Variants in LONP2 observed in about 807,000 individuals in gnomAD.
LONP2 encodes lon peptidase 2, peroxisomal.
In LONP2, 60 loss-of-function variants were observed where a neutral mutation model predicts 85.6. The observed-to-expected ratio is 0.70, with a 90% CI of 0.57 to 0.87. The LOEUF (loss-of-function observed/expected upper bound fraction) is 0.87. Ranked by LOEUF, LONP2 falls within the 40% of genes least tolerant of loss-of-function variation. The pLI is 0.00. For missense variants in LONP2, 860 were observed against 1,063.5 expected (o/e 0.81, Z 2.66); for synonymous variants, 395 against 389.7 (o/e 1.01, Z -0.16).
At chr16:48,313,336 T>TAAAA (rs1258790893) in intron 11 of LONP2, among the ~76,000 whole-genome samples, 2 of 152,220 alleles carry the variant, frequency 1.3e-5, no homozygotes, top group Admixed American at 1.3e-4. Context: ...CTTCAGCTTT[T>TAAAA]AAGTTCCAGG....
Position 48,266,723 on chromosome 16 carries a change from A to G in LONP2, c.983-3293A>G, listed in dbSNP as rs551561837. Among the ~76,000 whole-genome samples, 4 of 152,134 alleles carry G rather than the reference A, an allele frequency of 2.6e-5. No individual in the cohort carries two copies. In the South Asian group the frequency reaches 8.3e-4, roughly 31 times the overall value. On this transcript the variant is annotated intron_variant, in intron 6 of 14. Coordinates refer to ENST00000285737, the MANE Select transcript of LONP2 (RefSeq NM_031490.5). ...TATTGCTGGAGTTGTATTCTGTTGT[A>G]TGGATATACCATCATTTGTTTATCA...
At position 48,352,006 on chromosome 16, in the gene LONP2, T is replaced by G; in HGVS notation, c.*204T>G. On this transcript the variant is annotated 3_prime_UTR_variant, in exon 15 of 15. Transcript: ENST00000285737. Reference sequence around the variant, plus strand: ...TAGTAAACTGATAAAAATCGAATTCTTGTCTTTTTAGTGGGATCCTTACTG... The same window carrying G: ...TAGTAAACTGATAAAAATCGAATTCGTGTCTTTTTAGTGGGATCCTTACTG... The G allele has an allele frequency of 1.7e-6, 1 of 583,096 alleles. No individual in the cohort carries two copies. The highest frequency in any genetic ancestry group is 3.0e-6 in the Non-Finnish European group (1 of 330,262). The allele number at this position is 583,096 out of a possible 1,614,324, so 36.1% of individuals were successfully genotyped here. A position where few individuals can be genotyped will look rare whatever the true frequency, so the allele number is the denominator to read the frequency against.
intron 8 of LONP2, among the ~76,000 whole-genome samples, chr16:48,290,387 T>C (rs1331341147): frequency 6.6e-6 from 1 of 152,206 alleles, no homozygotes; most frequent in African/African-American, 2.4e-5. Context: ...CGACCACAGC[T>C]GGGTGTCCTC....
At chr16:48,285,688 T>A (rs912559515) in intron 8 of LONP2, among the ~76,000 whole-genome samples, 1 of 152,176 alleles carries the variant, frequency 6.6e-6, no homozygotes, top group Non-Finnish European at 1.5e-5. Flanking sequence ...TATTTTAAAA[T>A]TTTTATTATT....
intron 11 of LONP2, among the ~76,000 whole-genome samples, chr16:48,326,945 G>A (rs1959252801): frequency 6.6e-6 from 1 of 152,206 alleles, no homozygotes; most frequent in South Asian, 2.1e-4. Context: ...GCTTGCTTAG[G>A]AAAAGCCTGG....
chr16:48,265,087 C>G (rs942311551), intron 6 of LONP2, among the ~76,000 whole-genome samples: 1 of 152,144 alleles, frequency 6.6e-6, no homozygotes, highest in African/African-American at 2.4e-5. Flanking sequence ...CGTTAAGTTT[C>G]ATGAGTTCCT....
chr16:48,317,234 G>A (rs112277373), intron 11 of LONP2, among the ~76,000 whole-genome samples: 2 of 152,308 alleles, frequency 1.3e-5, no homozygotes, highest in African/African-American at 4.8e-5. Flanking sequence ...CAACTTAGGA[G>A]TTAGTCAACA....
At chr16:48,289,470 A>T (rs1417286137) in intron 8 of LONP2, among the ~76,000 whole-genome samples, 1 of 152,096 alleles carries the variant, frequency 6.6e-6, no homozygotes, top group Non-Finnish European at 1.5e-5. Flanking sequence ...AATCAGGTTT[A>T]CCTCAGTGAG....
intron 13 of LONP2, 54 bp downstream of exon 13, chr16:48,347,768 T>C: frequency 6.6e-7 from 1 of 1,503,824 alleles, no homozygotes; most frequent in Non-Finnish European, 9.1e-7. Context: ...GTACCTTCCA[T>C]GGCGGAGACT....
chr16:48,268,861 A>AT (rs1972044660), intron 6 of LONP2, among the ~76,000 whole-genome samples: 1 of 152,084 alleles, frequency 6.6e-6, no homozygotes, highest in Non-Finnish European at 1.5e-5. Flanking sequence ...ATCTCAGGCC[A>AT]TTTTTTTCCT....
chr16:48,253,857 A>T (rs971709556), intron 2 of LONP2, among the ~76,000 whole-genome samples: 1 of 152,162 alleles, frequency 6.6e-6, no homozygotes, highest in African/African-American at 2.4e-5. Flanking sequence ...GGCTCAGTTC[A>T]TATTCAATTA....
intron 11 of LONP2, among the ~76,000 whole-genome samples, chr16:48,321,396 T>C (rs1973261254): frequency 6.6e-6 from 1 of 152,088 alleles, no homozygotes; most frequent in Non-Finnish European, 1.5e-5. Flanking sequence ...AAAACAGGGG[T>C]GCAAACTTTC....
chr16:48,348,890 T>C (rs1274486904), intron 14 of LONP2, among the ~76,000 whole-genome samples: 1 of 152,216 alleles, frequency 6.6e-6, no homozygotes, highest in Non-Finnish European at 1.5e-5. Context: ...CTTGTTCTAC[T>C]TGACAAATTG....
chr16:48,254,832 T>A (rs74016339), intron 2 of LONP2, among the ~76,000 whole-genome samples: 1,866 of 152,304 alleles, frequency 0.012, 40 homozygotes, highest in African/African-American at 0.042. Context: ...TGAGCAGTGT[T>A]TTGGGTCTGG....
intron 11 of LONP2, among the ~76,000 whole-genome samples, chr16:48,326,998 A>T (rs910693391): frequency 3.3e-5 from 5 of 152,210 alleles, no homozygotes; most frequent in African/African-American, 1.2e-4. Flanking sequence ...TTCCCTCCAT[A>T]ATAGCTGTGC....
At chr16:48,291,239 C>T (rs1444226129) in intron 8 of LONP2, among the ~76,000 whole-genome samples, 1 of 152,168 alleles carries the variant, frequency 6.6e-6, no homozygotes, top group African/African-American at 2.4e-5. Flanking sequence ...TTCCCATTCT[C>T]CCCTACCCAA....
intron 11 of LONP2, among the ~76,000 whole-genome samples, chr16:48,319,859 C>T (rs1027676754): frequency 1.3e-5 from 2 of 151,924 alleles, no homozygotes; most frequent in South Asian, 2.1e-4. Context: ...ATTTTTTGTG[C>T]GTGTGCCTGT....
intron 7 of LONP2, among the ~76,000 whole-genome samples, chr16:48,271,454 G>C (rs1454883078): frequency 6.6e-6 from 1 of 152,118 alleles, no homozygotes; most frequent in African/African-American, 2.4e-5. Flanking sequence ...TTAATATCTT[G>C]TTTTCTATGT....
intron 8 of LONP2, among the ~76,000 whole-genome samples, chr16:48,280,127 G>T (rs1411881164): frequency 1.3e-5 from 2 of 152,046 alleles, no homozygotes; most frequent in Admixed American, 1.3e-4. Context: ...TTACCTTCTG[G>T]CTCCATAACT....
Sources: gnomAD v4.1 joint callset for allele counts (sites outside exome capture counted in the v4.1 genomes callset) on GRCh38, gnomAD v4.1.1 for gene constraint, MANE v1.5 for transcripts, NCBI Gene and HGNC (gene_info 2026-07-23, HGNC 2026-07-21) for gene names.